Variants in RGPD3 observed in about 807,000 individuals in gnomAD.
RGPD3 encodes ranBP2-like and GRIP domain-containing protein 3.
A neutral mutation model predicts 154.5 loss-of-function variants in RGPD3; 62 were observed. The ratio of observed to expected loss-of-function variants is 0.40; its 90% confidence interval spans 0.33 to 0.50. RGPD3 has a LOEUF of 0.50. Ranked by LOEUF, RGPD3 falls within the 20% of genes least tolerant of loss-of-function variation. The pLI is 0.59. For synonymous variants in RGPD3, 308 were observed against 607.0 expected (o/e 0.51, Z 7.24); for missense variants, 919 against 1,716.8 (o/e 0.54, Z 8.21).
intron 9 of RGPD3, among the ~76,000 whole-genome samples, chr2:106,438,203 C>T (rs1244221559): frequency 6.6e-6 from 1 of 152,030 alleles, no homozygotes; most frequent in East Asian, 1.9e-4. Context: ...GCTGGGATTA[C>T]AGATATGAGC....
chr2:106,424,603 G>A lies in RGPD3; in HGVS notation c.3364C>T (p.Pro1122Ser). 1 of 1,611,576 alleles carries A rather than the reference G, an allele frequency of 6.2e-7. No individual in the cohort carries two copies. The highest frequency in any genetic ancestry group is 8.5e-7 in the Non-Finnish European group (1 of 1,179,820). The part of the protein sequence containing the change: ...HWITTTMNLK[P>S]LSGSDRAWMW... ...CATGCTCTATCTGATCCAGAGAGGGGCTTCAGGTTCATTGTAGTCGTTATC... is the reference window on the plus strand; with the variant it reads ...CATGCTCTATCTGATCCAGAGAGGGACTTCAGGTTCATTGTAGTCGTTATC... Residue 1122 changes from proline (P) to serine (S), a missense_variant, in exon 20 of 23, where the codon CCC becomes TCC. By Grantham distance (74) the Pro-to-Ser change is moderately conservative. Transcript: ENST00000409886.
chr2:106,470,509 GT>G (rs1373384962), upstream of RGPD3, among the ~76,000 whole-genome samples: 44 of 152,098 alleles, frequency 2.9e-4, no homozygotes, highest in African/African-American at 9.9e-4. Context: ...ACATTACTGA[GT>G]CATGAGTCTT....
rs550304983 is a variant in RGPD3 at position 106,422,079 on chromosome 2, G to T, written c.4924+964C>A. The stretch of plus-strand genomic sequence containing the variant: ...CTGAGAATGCTAGTTCTATACCTTT[G>T]CTCTCAGGCTGTGAGGAAGGGGTGC... On this transcript the variant is annotated intron_variant, in intron 20 of 22. Transcript: ENST00000409886. Among the ~76,000 whole-genome samples the T allele has an allele frequency of 2.4e-4, 37 of 152,202 alleles. No homozygotes were observed. In the South Asian group the frequency reaches 6.9e-3, roughly 28 times the overall value.
intron 20 of RGPD3, among the ~76,000 whole-genome samples, chr2:106,420,397 G>A (rs1219402330): frequency 1.3e-5 from 2 of 151,874 alleles, no homozygotes; most frequent in African/African-American, 2.4e-5. Flanking sequence ...CTAATGTAAA[G>A]AAGAACTTCT....
At chr2:106,460,461 C>CA (rs1408423953) in intron 1 of RGPD3, among the ~76,000 whole-genome samples, 11 of 137,622 alleles carry the variant, frequency 8.0e-5, no homozygotes, top group Non-Finnish European at 1.6e-4. Context: ...GTCAAGGAGT[C>CA]AAAAAGGCAG....
chr2:106,451,621 A>G (rs1216541833), intron 6 of RGPD3, among the ~76,000 whole-genome samples: 55 of 151,174 alleles, frequency 3.6e-4, no homozygotes, highest in African/African-American at 1.2e-3. Context: ...GTTCTAATCA[A>G]CAACCCCTGC....
At chr2:106,450,341 G>A (rs1328083086) in intron 6 of RGPD3, among the ~76,000 whole-genome samples, 1 of 105,764 alleles carries the variant, frequency 9.5e-6, no homozygotes, top group African/African-American at 3.3e-5. Context: ...GGGCCCATGA[G>A]TCCTGATTAA....
rs1440757464 is a variant in RGPD3 at position 106,466,987 on chromosome 2, G to A, written c.72+1230C>T. On this transcript the variant is annotated intron_variant, in intron 1 of 22. Transcript: ENST00000409886. ...CGAGGCCGCCGCAGGGCCAGGTCGA[G>A]GCTGCCGCCGCCTGGCCAGGTCGAG... Among the ~76,000 whole-genome samples the A allele has an allele frequency of 6.3e-4, 79 of 125,212 alleles. 5 individuals are homozygous for A. The highest frequency in any genetic ancestry group is 1.9e-3 in the African/African-American group (71 of 36,742). 82.1% of individuals were successfully genotyped at this position (125,212 alleles called of 152,430 possible). A position where few individuals can be genotyped will look rare whatever the true frequency, so the allele number is the denominator to read the frequency against.
At chr2:106,406,986 A>G (rs952876865) in intron 22 of RGPD3, among the ~76,000 whole-genome samples, 3 of 151,716 alleles carry the variant, frequency 2.0e-5, no homozygotes, top group South Asian at 2.1e-4. Context: ...ACCTTAACAC[A>G]TATTTATTTC....
chr2:106,406,908 C>G (rs1476120399), intron 22 of RGPD3, among the ~76,000 whole-genome samples: 1 of 151,592 alleles, frequency 6.6e-6, no homozygotes, highest in Non-Finnish European at 1.5e-5. Flanking sequence ...TTTTATTTTT[C>G]TGTTCTGTCT....
Position 106,433,137 on chromosome 2 carries a change from T to C in RGPD3, c.2354A>G (p.Lys785Arg), listed in dbSNP as rs202028443. 13,152 of 1,606,644 alleles carry C rather than the reference T, an allele frequency of 8.2e-3. 527 individuals carry two copies. In the East Asian group the frequency reaches 0.2, roughly 24 times the overall value. ...ACTTTTACTTGGTGATAGTGAATAT[T>C]TGGTAGGAGATGGTGTAGAATGTTT... is the stretch of plus-strand genomic sequence containing the variant. ...EIKHSTPSPT[K>R]YSLSPSKSYK... The change falls in exon 16 of 23, where the codon AAA (lysine) becomes AGA (arginine). Residue 785 changes from lysine to arginine, a missense_variant. Transcript: ENST00000409886.
chr2:106,411,069 C>G (rs1450508076), intron 22 of RGPD3, among the ~76,000 whole-genome samples: 1 of 150,000 alleles, frequency 6.7e-6, no homozygotes, highest in African/African-American at 2.5e-5. Context: ...AGGTATGGGC[C>G]CCAGACCAGA....
At chr2:106,415,649 C>T (rs1676803285) in intron 21 of RGPD3, among the ~76,000 whole-genome samples, 1 of 121,160 alleles carries the variant, frequency 8.3e-6, no homozygotes, top group South Asian at 3.1e-4. Flanking sequence ...TGCACTCCAG[C>T]CTGCGTGACA....
chr2:106,444,725 G>A (rs1414039405), intron 7 of RGPD3, among the ~76,000 whole-genome samples: 2 of 150,364 alleles, frequency 1.3e-5, no homozygotes, highest in Non-Finnish European at 3.0e-5. Context: ...CCGAGCTGAG[G>A]CTGAAGCAGG....
intron 12 of RGPD3, 72 bp downstream of exon 12, chr2:106,436,051 T>A: frequency 6.5e-7 from 1 of 1,534,064 alleles, no homozygotes; most frequent in Admixed American, 2.2e-5. Context: ...CAAAAAAACT[T>A]TCAATAAAAA....
chr2:106,450,658 AT>A (rs1419491660), intron 6 of RGPD3, among the ~76,000 whole-genome samples: 1 of 84,214 alleles, frequency 1.2e-5, no homozygotes, highest in African/African-American at 4.9e-5. Flanking sequence ...GTGAGCCGAG[AT>A]TGCGCCACTG....
At chr2:106,448,373 G>A (rs1351874938) in intron 6 of RGPD3, among the ~76,000 whole-genome samples, 117 of 152,226 alleles carry the variant, frequency 7.7e-4, no homozygotes, top group Non-Finnish European at 1.4e-3. Flanking sequence ...GCTTACCAAT[G>A]TGCCGGGATT....
In RGPD3 at chr2:106,424,930, T is replaced by C; in HGVS notation, c.3037A>G (p.Asn1013Asp). ...LFSSQYGKMA[N>D]KANTSGDFEK... is the part of the protein sequence containing the mutation. ...AAGTCACCGGAAGTGTTTGCTTTAT[T>C]GGCCATTTTACCGTATTGTGATGAG... Residue 1013 changes from asparagine to aspartate, a missense_variant, in exon 20 of 23, where the codon AAT becomes GAT. Asn to Asp is a conservative substitution (Grantham distance 23). Transcript: ENST00000409886. 1 of 1,611,906 alleles carries C rather than the reference T, an allele frequency of 6.2e-7. No individual in the cohort carries two copies. The highest frequency in any genetic ancestry group is 1.1e-5 in the South Asian group (1 of 90,986).
Position 106,468,337 on chromosome 2 carries a change from C to T in RGPD3, c.-49G>A, listed in dbSNP as rs376228275. 235 of 1,565,618 alleles carry T rather than the reference C, an allele frequency of 1.5e-4. No individual in the cohort carries two copies. Among genetic ancestry groups the T allele is most frequent in the Middle Eastern group, 2.3e-4 (1 of 4,398 alleles). The stretch of plus-strand genomic sequence containing the variant: ...GATGCGTGAGACCAGCGCTCAGCCC[C>T]GCAGCAGTCGCCAATTCCAAGAGGA... On this transcript the variant is annotated 5_prime_UTR_variant, in exon 1 of 23. Transcript: ENST00000409886.
Sources: gnomAD v4.1 joint callset for allele counts (sites outside exome capture counted in the v4.1 genomes callset) on GRCh38, gnomAD v4.1.1 for gene constraint, MANE v1.5 for transcripts, NCBI Gene and HGNC (gene_info 2026-07-23, HGNC 2026-07-21) for gene names.